COL4A2: variants seen among roughly 807,000 people sequenced by gnomAD.
COL4A2 encodes the protein collagen type IV alpha 2 chain.
COL4A2 carries 99 observed loss-of-function variants against 200.2 expected under a neutral mutation model. The ratio of observed to expected loss-of-function variants is 0.49; its 90% CI spans 0.42 to 0.58. The LOEUF is 0.58. Among genes scored for constraint, COL4A2 ranks in the 20% least tolerant of loss-of-function variants. COL4A2 has a pLI of 0.00. For missense variants in COL4A2, 1,950 were observed against 2,314.1 expected (o/e 0.84, Z 3.23); for synonymous variants, 897 against 900.6 (o/e 1.00, Z 0.07).
intron 47 of COL4A2, 141 bp from the exon 48 acceptor site, chr13:110,511,793 C>T (rs561214085): frequency 1.7e-5 from 23 of 1,373,678 alleles, no homozygotes; most frequent in Admixed American, 9.4e-5. Context: ...AAGGCGCATT[C>T]GCGAGGATGC....
At chr13:110,378,370 T>C (rs1030038367) in intron 4 of COL4A2, among the ~76,000 whole-genome samples, 1 of 152,212 alleles carries the variant, frequency 6.6e-6, no homozygotes, top group South Asian at 2.1e-4. Context: ...ATTGTAGATA[T>C]AGGAAGGACC....
rs774055891 is a variant in COL4A2 at position 110,428,482 on chromosome 13, G to T, written c.376G>T (p.Gly126Cys). 1.6e-5 allele frequency: 25 copies of T among 1,576,432 alleles called. No individual in the cohort carries two copies. The highest frequency in any genetic ancestry group is 2.1e-5 in the Non-Finnish European group (25 of 1,166,660). The change falls in exon 7 of 48, where the codon GGT (glycine) becomes TGT (cysteine). Residue 126 changes from glycine (G) to cysteine (C), a missense_variant. By Grantham distance (159) the Gly-to-Cys change is radical (BLOSUM62 -3). Around this residue, in one of 2 missense-constraint regions of COL4A2, gnomAD observed 565 missense variants for 593.5 expected, o/e 0.95. Coordinates refer to ENST00000360467, the MANE Select transcript of COL4A2 (RefSeq NM_001846.4). ...TCTTTCCCAGGGACACCCGGGGCAAGGTGGGCCCAGGGGAAGGCCGGGCTA... is the reference window on the plus strand; with the variant it reads ...TCTTTCCCAGGGACACCCGGGGCAATGTGGGCCCAGGGGAAGGCCGGGCTA... ...ADGIPGHPGQ[G>C]GPRGRPGYDG...
At chr13:110,459,301 A>C (rs1225087157) in intron 22 of COL4A2, 1 of 187,484 alleles carries the variant, frequency 5.3e-6, no homozygotes, top group Non-Finnish European at 1.1e-5. Context: ...AATAGGCAGA[A>C]GGTGAAACTA....
chr13:110,477,887 AGAGT>A (rs1227162408), intron 29 of COL4A2, 112 bp from the exon 30 acceptor site: 1 of 1,058,852 alleles, frequency 9.4e-7, no homozygotes, highest in Non-Finnish European at 1.3e-6. Context: ...CTGATTCTCT[AGAGT>A]CCAGAAAAGC....
chr13:110,341,378 G>A (rs942566639), intron 3 of COL4A2, among the ~76,000 whole-genome samples: 1 of 152,198 alleles, frequency 6.6e-6, no homozygotes, highest in African/African-American at 2.4e-5. Context: ...ACTCACTCAC[G>A]AGCCTTAGGT....
intron 3 of COL4A2, among the ~76,000 whole-genome samples, chr13:110,319,113 C>G (rs567066797): frequency 0.013 from 2,045 of 151,704 alleles, 56 homozygotes; most frequent in African/African-American, 0.047. Flanking sequence ...CTGGTGGGTG[C>G]GGGGGCCTGT....
chr13:110,500,085 T>G (rs1257669312), intron 40 of COL4A2, among the ~76,000 whole-genome samples: 1 of 152,236 alleles, frequency 6.6e-6, no homozygotes, highest in African/African-American at 2.4e-5. Flanking sequence ...TTGTCCTACT[T>G]GGAAGCACGC....
chr13:110,352,230 T>C (rs1876993157), intron 3 of COL4A2, among the ~76,000 whole-genome samples: 1 of 152,130 alleles, frequency 6.6e-6, no homozygotes, highest in Non-Finnish European at 1.5e-5. Context: ...AGGTTGGCCT[T>C]GGGAGGTAGG....
chr13:110,416,258 G>T (rs1022298770), intron 4 of COL4A2, among the ~76,000 whole-genome samples: 2 of 152,238 alleles, frequency 1.3e-5, no homozygotes, highest in African/African-American at 4.8e-5. Context: ...CGGCCTGACA[G>T]CCAAAGCTCT....
intron 38 of COL4A2, among the ~76,000 whole-genome samples, chr13:110,492,544 C>T (rs572697522): frequency 6.6e-6 from 1 of 152,342 alleles, no homozygotes; most frequent in African/African-American, 2.4e-5. Flanking sequence ...CCCCCGGGGC[C>T]TCCTTACAGC....
At chr13:110,486,782 G>GTGGGGGTCA (rs1336781705) in intron 34 of COL4A2, among the ~76,000 whole-genome samples, 1 of 152,128 alleles carries the variant, frequency 6.6e-6, no homozygotes, top group African/African-American at 2.4e-5. Context: ...GCGGGCAGGA[G>GTGGGGGTCA]TGGGGGTCAC....
At position 110,503,240 on chromosome 13, in the gene COL4A2, C is replaced by A. The variant is rs1482520970; in HGVS notation, c.3997C>A (p.Pro1333Thr). ...CAAAGGATGGGCCGGGGACTCCGGG[C>A]CCCAGGGCAGGCCTGGTGTGTTTGG... ...GTKGWAGDSGPQGRPGVFGLP... is the reference protein window; with the variant it reads ...GTKGWAGDSGTQGRPGVFGLP... The change falls in exon 42 of 48, where the codon CCC becomes ACC. Residue 1333 changes from proline (P) to threonine (T), a missense_variant. Pro to Thr is a conservative substitution (Grantham distance 38). This residue lies in a region of COL4A2 where 1,385 missense variants were observed against 1,720.5 expected (regional missense o/e 0.80). Transcript: ENST00000360467. The A allele has an allele frequency of 4.3e-6, 7 of 1,613,374 alleles. No homozygotes were observed. Among genetic ancestry groups the A allele is most frequent in the Non-Finnish European group, 5.1e-6 (6 of 1,179,780 alleles).
At chr13:110,349,780 T>C (rs898885362) in intron 3 of COL4A2, among the ~76,000 whole-genome samples, 2 of 151,966 alleles carry the variant, frequency 1.3e-5, no homozygotes, top group African/African-American at 4.8e-5. Flanking sequence ...TTTTTTTTTA[T>C]TGAGACACAG....
chr13:110,459,281 C>A (rs758732251), intron 22 of COL4A2: 2 of 211,280 alleles, frequency 9.5e-6, no homozygotes, highest in Non-Finnish European at 1.9e-5. Context: ...TTCACAGCAG[C>A]ATTCTTCAAA....
chr13:110,481,022 GT>G (rs1440311790), intron 31 of COL4A2, among the ~76,000 whole-genome samples: 1 of 103,710 alleles, frequency 9.6e-6, no homozygotes, highest in Non-Finnish European at 2.0e-5. Flanking sequence ...CTGTCCTTCC[GT>G]TGCTGGAGAC....
intron 4 of COL4A2, among the ~76,000 whole-genome samples, chr13:110,416,482 G>C (rs1880046294): frequency 6.6e-6 from 1 of 152,208 alleles, no homozygotes; most frequent in African/African-American, 2.4e-5. Flanking sequence ...GTAATAAAAG[G>C]CTTTCCCAGA....
At chr13:110,354,579 C>G (rs1156598483) in intron 3 of COL4A2, among the ~76,000 whole-genome samples, 1 of 151,404 alleles carries the variant, frequency 6.6e-6, no homozygotes, top group Admixed American at 6.6e-5. Flanking sequence ...TAAAAGCTTT[C>G]AAGGTACTGT....
rs200123010 is a variant in COL4A2 at position 110,435,820 on chromosome 13, AT to A, written c.727-441del. On this transcript the variant is annotated intron_variant, in intron 12 of 47. Transcript: ENST00000360467. ...TCTTGGGATATTATAGTTACTTAAG[AT>A]TTTTTTTATTATATAAAAACATCTT... Among the ~76,000 whole-genome samples the A allele has an allele frequency of 5.3e-3, 797 of 151,416 alleles. 9 individuals are homozygous for A. Among genetic ancestry groups the A allele is most frequent in the African/African-American group, 0.013 (547 of 40,828 alleles).
intron 3 of COL4A2, among the ~76,000 whole-genome samples, chr13:110,330,808 A>G (rs566634190): frequency 6.6e-6 from 1 of 152,118 alleles, no homozygotes; most frequent in African/African-American, 2.4e-5. Context: ...ACAGCAATTA[A>G]GAAGAGTTTG....
Sources: allele counts gnomAD v4.1 joint callset (sites outside exome capture counted in the v4.1 genomes callset), GRCh38; gene constraint gnomAD v4.1.1; regional missense constraint gnomAD v4.1.1; transcripts MANE v1.5; gene names NCBI Gene and HGNC (gene_info 2026-07-23, HGNC 2026-07-21).